The following WDR7 variants were observed in gnomAD, a reference collection of about 807,000 sequenced individuals.
WDR7 encodes the protein WD repeat domain 7.
Under a neutral mutation model 169.4 loss-of-function variants are expected in WDR7, and 46 were observed. The ratio of observed to expected loss-of-function variants is 0.27; its 90% CI spans 0.21 to 0.35. WDR7 has a LOEUF of 0.35. WDR7 is among the 10% of genes least tolerant of loss of function. WDR7 has a pLI of 1.00. For synonymous variants in WDR7, 612 were observed against 666.8 expected, an observed-to-expected ratio of 0.92 and a Z score of 1.27; for missense variants, 1,534 against 1,859.3, an observed-to-expected ratio of 0.83 and a Z score of 3.22.
chr18:56,900,123 G>A (rs1475369652), intron 21 of WDR7, among the ~76,000 whole-genome samples: 2 of 142,986 alleles, frequency 1.4e-5, no homozygotes, highest in African/African-American at 5.3e-5. Context: ...ATTGTTAATG[G>A]CATTTTGATT....
intron 20 of WDR7, among the ~76,000 whole-genome samples, chr18:56,820,261 T>C (rs1161372252): frequency 6.8e-6 from 1 of 147,834 alleles, no homozygotes; most frequent in African/African-American, 2.5e-5. Flanking sequence ...TAGTTTGGTG[T>C]CTTACCTCTT....
Position 56,849,503 on chromosome 18 carries a change from TG to T in WDR7, c.3305-30437del, listed in dbSNP as rs141479786. Among the ~76,000 whole-genome samples, 414 of 152,358 alleles carry T rather than the reference TG, an allele frequency of 2.7e-3. 2 individuals carry two copies. Among genetic ancestry groups the T allele is most frequent in the African/African-American group, 9.6e-3 (398 of 41,582 alleles). ...TGCTACTAAATCTTTAGCCCAGTTCTGGGGTCATCAATTCCCATTGTCTCTT... is the reference window on the plus strand; with the variant it reads ...TGCTACTAAATCTTTAGCCCAGTTCTGGGTCATCAATTCCCATTGTCTCTT... On this transcript the variant is annotated intron_variant, in intron 20 of 27. Coordinates refer to ENST00000254442, the MANE Select transcript of WDR7 (RefSeq NM_015285.3).
intron 25 of WDR7, among the ~76,000 whole-genome samples, chr18:56,943,981 G>C (rs2047066286): frequency 7.3e-6 from 1 of 136,064 alleles, no homozygotes; most frequent in Non-Finnish European, 1.5e-5. Context: ...ATGTTTTGTG[G>C]GTTTTTTTTT....
chr18:56,662,770 A>G (rs2024932912), intron 1 of WDR7, among the ~76,000 whole-genome samples: 2 of 152,234 alleles, frequency 1.3e-5, no homozygotes, highest in Non-Finnish European at 2.9e-5. Context: ...AACAAGTTAA[A>G]TGATATCATA....
intron 16 of WDR7, among the ~76,000 whole-genome samples, chr18:56,775,525 CTATT>C (rs1431963789): frequency 2.6e-5 from 4 of 152,114 alleles, no homozygotes; most frequent in South Asian, 2.1e-4. Context: ...AAAAGTAGCT[CTATT>C]TATTTCATAA....
At chr18:56,855,449 T>G (rs957701284) in intron 20 of WDR7, among the ~76,000 whole-genome samples, 5 of 152,190 alleles carry the variant, frequency 3.3e-5, no homozygotes, top group African/African-American at 1.2e-4. Flanking sequence ...GTTCAGGATC[T>G]TAAGAAATTC....
At chr18:56,866,689 C>T (rs2045887068) in intron 20 of WDR7, among the ~76,000 whole-genome samples, 1 of 152,058 alleles carries the variant, frequency 6.6e-6, no homozygotes, top group East Asian at 1.9e-4. Context: ...CTGTGTTCAG[C>T]TCTTATATGG....
intron 21 of WDR7, among the ~76,000 whole-genome samples, chr18:56,910,242 A>G (rs2046534596): frequency 1.3e-5 from 2 of 152,230 alleles, no homozygotes; most frequent in South Asian, 2.1e-4. Flanking sequence ...AAGATAAACA[A>G]GTTCCCAAGG....
At chr18:56,689,580 A>G (rs2025521113) in intron 7 of WDR7, among the ~76,000 whole-genome samples, 1 of 152,156 alleles carries the variant, frequency 6.6e-6, no homozygotes, top group Admixed American at 6.5e-5. Flanking sequence ...TGTCTTACAT[A>G]CCTTTGAATC....
intron 26 of WDR7, among the ~76,000 whole-genome samples, chr18:56,982,215 G>A (rs750414292): frequency 6.6e-6 from 1 of 152,084 alleles, no homozygotes; most frequent in Non-Finnish European, 1.5e-5. Flanking sequence ...CTTGTCCAGG[G>A]GTTTCAAGGA....
rs145233146 is a variant in WDR7 at position 56,781,021 on chromosome 18, T to C, written c.3067-512T>C. Among the ~76,000 whole-genome samples, 92 of 152,358 alleles carry C rather than the reference T, an allele frequency of 6.0e-4. 1 individual carries two copies. In the East Asian group the frequency reaches 0.016, roughly 26 times the overall value. On this transcript the variant is annotated intron_variant, in intron 18 of 27. Transcript: ENST00000254442. ...ATATTTATTTGTCAAAAACATTGTT[T>C]AAGCATGTCTTAGGTATACGTGAAT...
At chr18:56,902,064 C>T (rs202083374) in intron 21 of WDR7, among the ~76,000 whole-genome samples, 11 of 152,110 alleles carry the variant, frequency 7.2e-5, no homozygotes, top group Middle Eastern at 3.2e-3. Context: ...GTCTGACTGA[C>T]CATCACATCA....
intron 13 of WDR7, among the ~76,000 whole-genome samples, chr18:56,728,826 AC>A (rs1477504658): frequency 1.3e-5 from 2 of 151,986 alleles, no homozygotes; most frequent in Non-Finnish European, 2.9e-5. Context: ...CTGGGGCTAA[AC>A]CCTGTGCCAA....
chr18:56,900,080 GTGTATATA>G (rs1303745386), intron 21 of WDR7, among the ~76,000 whole-genome samples: 1,468 of 30,228 alleles, frequency 0.049, 12 homozygotes, highest in East Asian at 0.28. Flanking sequence ...GTGTGTGTGT[GTGTATATA>G]TATATATATA....
chr18:56,703,894 T>C (rs1416076193), intron 12 of WDR7, among the ~76,000 whole-genome samples: 2 of 152,096 alleles, frequency 1.3e-5, no homozygotes, highest in Non-Finnish European at 2.9e-5. Flanking sequence ...TTAGGATAAG[T>C]TCTTATACTT....
intron 20 of WDR7, among the ~76,000 whole-genome samples, chr18:56,852,276 G>A (rs1194182873): frequency 6.6e-6 from 1 of 152,200 alleles, no homozygotes; most frequent in Non-Finnish European, 1.5e-5. Context: ...CGGGGGCTCA[G>A]TTGTTGAGAA....
At chr18:56,789,317 G>A (rs1453837688) in intron 19 of WDR7, among the ~76,000 whole-genome samples, 2 of 152,178 alleles carry the variant, frequency 1.3e-5, no homozygotes, top group African/African-American at 4.8e-5. Flanking sequence ...GGATGGATTG[G>A]TTATTTAGAC....
intron 9 of WDR7, among the ~76,000 whole-genome samples, chr18:56,692,445 T>G (rs940256428): frequency 1.3e-5 from 2 of 151,286 alleles, no homozygotes; most frequent in East Asian, 3.9e-4. Context: ...TTTTTGTTTT[T>G]TTTTTTTTTA....
chr18:56,844,113 G>A (rs1007826701), intron 20 of WDR7, among the ~76,000 whole-genome samples: 7 of 151,070 alleles, frequency 4.6e-5, no homozygotes, highest in South Asian at 2.1e-4. Context: ...TGCCTGCCTC[G>A]TCCTCCCAAA....
Sources: allele counts gnomAD v4.1 joint callset (sites outside exome capture counted in the v4.1 genomes callset), GRCh38; gene constraint gnomAD v4.1.1; transcripts MANE v1.5; gene names NCBI Gene and HGNC (gene_info 2026-07-23, HGNC 2026-07-21).